Variants in PTPRD observed in about 807,000 individuals in gnomAD.
PTPRD encodes protein tyrosine phosphatase receptor type D.
A neutral mutation model predicts 214.5 loss-of-function variants in PTPRD; 34 were observed. The observed-to-expected ratio is 0.16, with a 90% CI of 0.12 to 0.21. The LOEUF is 0.21. PTPRD is among the 10% of genes least tolerant of loss of function. PTPRD has a pLI of 1.00. For synonymous variants in PTPRD, 1,128 were observed against 845.7 expected (o/e 1.33, Z -5.79); for missense variants, 2,545 against 2,398.7 (o/e 1.06, Z -1.27).
rs543755002 is a variant in PTPRD at position 9,995,109 on chromosome 9, A to T, written c.-472+38609T>A. Among the ~76,000 whole-genome samples the T allele has an allele frequency of 4.5e-4, 69 of 152,260 alleles. No homozygotes were observed. In the South Asian group the frequency reaches 0.014, roughly 31 times the overall value. ...CTTTACTATGTAGAAACATACAATT[A>T]AAGGGAAAAATATTATTCTGGCTAC... On this transcript the variant is annotated intron_variant, in intron 4 of 45. Coordinates refer to ENST00000381196, the MANE Select transcript of PTPRD (RefSeq NM_002839.4).
At chr9:9,088,105 C>G (rs1224268532) in intron 10 of PTPRD, among the ~76,000 whole-genome samples, 1 of 151,174 alleles carries the variant, frequency 6.6e-6, no homozygotes, top group Non-Finnish European at 1.5e-5. Flanking sequence ...TGGTCTTGAA[C>G]TCCTGACCTG....
chr9:9,479,004 G>T, intron 8 of PTPRD, among the ~76,000 whole-genome samples: 1 of 152,084 alleles, frequency 6.6e-6, no homozygotes, highest in Non-Finnish European at 1.5e-5. Flanking sequence ...AGGCTAATTA[G>T]ATGTGGCTTT....
At chr9:9,487,054 T>A (rs2095668704) in intron 8 of PTPRD, among the ~76,000 whole-genome samples, 1 of 152,168 alleles carries the variant, frequency 6.6e-6, no homozygotes, top group Non-Finnish European at 1.5e-5. Context: ...CATTACTCAT[T>A]TTCTTTTTTA....
intron 2 of PTPRD, among the ~76,000 whole-genome samples, chr9:10,482,188 A>G (rs2224583): frequency 0.44 from 67,198 of 151,438 alleles, 16,142 homozygotes; most frequent in Middle Eastern, 0.63. Context: ...CGGCTAACAC[A>G]GTGAAACCCC....
chr9:10,104,966 C>A (rs920520854), intron 3 of PTPRD, among the ~76,000 whole-genome samples: 8 of 151,768 alleles, frequency 5.3e-5, no homozygotes, highest in African/African-American at 1.7e-4. Context: ...ACATGCTAGG[C>A]TTTCACAACA....
At chr9:8,815,689 T>C (rs1340221527) in intron 11 of PTPRD, among the ~76,000 whole-genome samples, 1 of 152,172 alleles carries the variant, frequency 6.6e-6, no homozygotes, top group African/African-American at 2.4e-5. Flanking sequence ...CATAAAATTA[T>C]TCCTAGGCAA....
intron 8 of PTPRD, among the ~76,000 whole-genome samples, chr9:9,522,562 A>C (rs1328269724): frequency 1.3e-5 from 2 of 152,170 alleles, no homozygotes; most frequent in Non-Finnish European, 2.9e-5. Flanking sequence ...TCTTAGAAAA[A>C]CAAAAGAATC....
chr9:8,425,691 A>C (rs929050711), intron 35 of PTPRD, among the ~76,000 whole-genome samples: 2 of 151,966 alleles, frequency 1.3e-5, no homozygotes, highest in African/African-American at 4.8e-5. Context: ...TTTCTCCTAG[A>C]AGACTATGGA....
At chr9:9,852,270 G>A (rs2060689469) in intron 5 of PTPRD, among the ~76,000 whole-genome samples, 1 of 152,074 alleles carries the variant, frequency 6.6e-6, no homozygotes. Context: ...GATGATGAGA[G>A]CAGTTGATCT....
chr9:10,490,626 T>A (rs1336051381), intron 2 of PTPRD, among the ~76,000 whole-genome samples: 1 of 152,172 alleles, frequency 6.6e-6, no homozygotes, highest in Non-Finnish European at 1.5e-5. Context: ...CTGGTCTCAA[T>A]TTGCTTTTCA....
rs77279763 is a variant in PTPRD, at chr9:10,359,503, C to T, written c.-599-18486G>A. On this transcript the variant is annotated intron_variant, in intron 2 of 45. Transcript: ENST00000381196. ...TGTCACTTTTAAATCTCAAAAAATG[C>T]TAACATTAAAATGTACCTAAGCTTT... is the stretch of plus-strand genomic sequence containing the variant. Among the ~76,000 whole-genome samples, 576 of 152,034 alleles carry T rather than the reference C, an allele frequency of 3.8e-3. 3 individuals are homozygous for T. The highest frequency in any genetic ancestry group is 7.9e-3 in the South Asian group (38 of 4,810).
chr9:10,126,412 T>C (rs968719725), intron 3 of PTPRD, among the ~76,000 whole-genome samples: 8 of 141,436 alleles, frequency 5.7e-5, no homozygotes, highest in African/African-American at 2.1e-4. Flanking sequence ...CCTTAAATAA[T>C]ACTGTTTTAT....
chr9:9,196,788 TA>T (rs1441006232), intron 9 of PTPRD, among the ~76,000 whole-genome samples: 1 of 152,094 alleles, frequency 6.6e-6, no homozygotes, highest in Non-Finnish European at 1.5e-5. Flanking sequence ...TGTCTCCCCC[TA>T]AAAAAGAGCA....
Position 9,153,304 on chromosome 9 carries a change from T to C in PTPRD, c.-143+30000A>G, listed in dbSNP as rs149180507. Among the ~76,000 whole-genome samples, 406 of 152,306 alleles carry C rather than the reference T, an allele frequency of 2.7e-3. 1 individual carries two copies. Among genetic ancestry groups the C allele is most frequent in the African/African-American group, 9.2e-3 (384 of 41,560 alleles). On this transcript the variant is annotated intron_variant, in intron 10 of 45. Coordinates refer to ENST00000381196, the MANE Select transcript of PTPRD (RefSeq NM_002839.4). ...GACTGACTCTTTAGTTTTTAAAAGG[T>C]AGTTATAGTTAGCCAAGATGGAATC...
At chr9:8,821,384 T>C (rs182904422) in intron 11 of PTPRD, among the ~76,000 whole-genome samples, 2 of 152,126 alleles carry the variant, frequency 1.3e-5, no homozygotes, top group African/African-American at 4.8e-5. Context: ...GTGGGTGCCA[T>C]AGTCTACCCC....
At chr9:10,604,421 G>T (rs1439100290) in intron 2 of PTPRD, among the ~76,000 whole-genome samples, 2 of 151,626 alleles carry the variant, frequency 1.3e-5, no homozygotes, top group Non-Finnish European at 2.9e-5. Context: ...TTCCAAGTGG[G>T]AGAGGTGTAT....
At position 8,504,383 on chromosome 9, in the gene PTPRD, C is replaced by G. The variant is rs2137236243; in HGVS notation, c.1700G>C (p.Gly567Ala). 6.2e-7 allele frequency: 1 copy of G among 1,614,040 alleles called. No individual in the cohort carries two copies. Among genetic ancestry groups the G allele is most frequent in the Non-Finnish European group, 8.5e-7 (1 of 1,179,984 alleles). ...GEEQRITIEP[G>A]TSYRLQGLKP... Reference sequence around the variant, plus strand: ...CAGTCCTTGCAGCCTATATGATGTCCCTGGCTCAATGGTAATTCGTTGCTG... The same window carrying G: ...CAGTCCTTGCAGCCTATATGATGTCGCTGGCTCAATGGTAATTCGTTGCTG... The change falls in exon 23 of 46, where the codon GGG becomes GCG. Residue 567 changes from glycine to alanine, a missense_variant. By Grantham distance (60) the Gly-to-Ala change is moderately conservative. Transcript: ENST00000381196.
At chr9:9,398,264 C>A (rs1236935259) in intron 8 of PTPRD, among the ~76,000 whole-genome samples, 1 of 151,900 alleles carries the variant, frequency 6.6e-6, no homozygotes, top group Non-Finnish European at 1.5e-5. Flanking sequence ...TATTCTCTTT[C>A]TAGATGTTCC....
At chr9:10,100,890 A>G (rs452746) in intron 3 of PTPRD, among the ~76,000 whole-genome samples, 50,645 of 151,184 alleles carry the variant, frequency 0.33, 9,245 homozygotes, top group East Asian at 0.52. Flanking sequence ...AGAAACAAAT[A>G]CTAAAAGAGC....
Sources: allele counts gnomAD v4.1 joint callset (sites outside exome capture counted in the v4.1 genomes callset), GRCh38; gene constraint gnomAD v4.1.1; transcripts MANE v1.5; gene names NCBI Gene and HGNC (gene_info 2026-07-23, HGNC 2026-07-21).